Variants in ACOT9 observed in about 807,000 individuals in gnomAD.
ACOT9 encodes acyl-CoA thioesterase 9, also known as acyl-coenzyme A thioesterase 9, mitochondrial.
Under a neutral mutation model 39.7 loss-of-function variants are expected in ACOT9, and 34 were observed. That is an observed-to-expected ratio of 0.86 (90% CI 0.65 to 1.14). The LOEUF is 1.14. Among genes scored for constraint, ACOT9 ranks in the 50% most tolerant of loss-of-function variants. The pLI is 0.00. For missense variants in ACOT9, 313 were observed against 344.1 expected, an observed-to-expected ratio of 0.91 and a Z score of 0.71; for synonymous variants, 110 against 120.5, an observed-to-expected ratio of 0.91 and a Z score of 0.57.
chrX:23,725,206 C>A (rs1379493586), intron 6 of ACOT9, among the ~76,000 whole-genome samples: 1 of 110,677 alleles, frequency 9.0e-6, no homozygotes, highest in Non-Finnish European at 1.9e-5. Flanking sequence ...CGCGGTGGCT[C>A]ACACCTGTAA....
At chrX:23,733,039 A>G in intron 4 of ACOT9, 133 bp downstream of exon 4, 1 of 532,743 alleles carries the variant, frequency 1.9e-6, no homozygotes, top group East Asian at 3.7e-5. Context: ...TTCTCCCCCA[A>G]GCAAAATACT....
rs1287296568 is a variant in ACOT9 at position 23,742,237 on chromosome X, GGA to G, written c.20+886_20+887del. Among the ~76,000 whole-genome samples the G allele has an allele frequency of 2.0e-3, 84 of 42,879 alleles. 2 individuals are homozygous for G. The East Asian group carries it at 0.031, about 16-fold the overall frequency. 37.2% of individuals were successfully genotyped at this position (42,879 alleles called of 115,157 possible). A position where few individuals can be genotyped will look rare whatever the true frequency, so the allele number is the denominator to read the frequency against. On this transcript the variant is annotated intron_variant, in intron 1 of 15. Coordinates refer to ENST00000379303, the MANE Select transcript of ACOT9 (RefSeq NM_001037171.2). The stretch of plus-strand genomic sequence containing the variant: ...GTGAGAGAGAGAGAGAGAGAGAGAG[GGA>G]GAGAGAGAGAGAGAGAGATATCCAG...
intron 6 of ACOT9, 60 bp downstream of exon 6, chrX:23,730,467 T>C (rs1459626569): frequency 1.1e-6 from 1 of 878,775 alleles, no homozygotes; most frequent in Non-Finnish European, 1.7e-6. Context: ...CCCTTTCCAG[T>C]CACAGAATTC....
intron 15 of ACOT9, among the ~76,000 whole-genome samples, 189 bp downstream of exon 15, chrX:23,704,505 G>A (rs930677025): frequency 7.2e-5 from 8 of 110,731 alleles, no homozygotes; most frequent in Admixed American, 2.0e-4. Flanking sequence ...TTGACTACCA[G>A]TGGTTGCTTG....
intron 14 of ACOT9, 45 bp from the exon 15 acceptor site, chrX:23,704,889 G>T (rs1401430214): frequency 8.5e-7 from 1 of 1,177,450 alleles, no homozygotes; most frequent in East Asian, 3.0e-5. Context: ...CATTAGGAAG[G>T]GGAAAAAGGC....
In ACOT9 at chrX:23,721,964, T is replaced by C; in HGVS notation, c.505A>G (p.Ser169Gly). 1 of 1,208,247 alleles carries C rather than the reference T, an allele frequency of 8.3e-7. No individual in the cohort carries two copies. The highest frequency in any genetic ancestry group is 1.1e-6 in the Non-Finnish European group (1 of 893,449). The change falls in exon 8 of 16, where the codon AGC becomes GGC. Residue 169 changes from serine to glycine, a missense_variant. By Grantham distance (56) the Ser-to-Gly change is moderately conservative. Transcript: ENST00000379303. ...CTGAACTTAATGTCCTGTTCTGGGC[T>C]CAAGCTCTTCTTACACATATCTGCA... ...DKIDMCKKSL[S>G]PEQDIKFSGH...
At chrX:23,731,709 G>A (rs1218582299) in intron 4 of ACOT9, among the ~76,000 whole-genome samples, 1 of 109,380 alleles carries the variant, frequency 9.1e-6, no homozygotes, top group Non-Finnish European at 1.9e-5. Flanking sequence ...CGGATTCTTT[G>A]AGCCCCAGTT....
At chrX:23,704,317 C>A (rs1160745184) in intron 15 of ACOT9, among the ~76,000 whole-genome samples, 1 of 104,827 alleles carries the variant, frequency 9.5e-6, no homozygotes, top group Non-Finnish European at 2.0e-5. Flanking sequence ...ACTACAGGTG[C>A]CCGCCACCGT....
chrX:23,716,272 C>A (rs191995337), intron 8 of ACOT9, among the ~76,000 whole-genome samples: 127 of 112,302 alleles, frequency 1.1e-3, no homozygotes, highest in African/African-American at 4.0e-3. Context: ...CACTCACTCC[C>A]AGTTGAATAT....
At chrX:23,704,897 G>T (rs1416581987) in intron 14 of ACOT9, 53 bp from the exon 15 acceptor site, 1 of 1,177,573 alleles carries the variant, frequency 8.5e-7, no homozygotes, top group African/African-American at 1.8e-5. Flanking sequence ...AGGGGAAAAA[G>T]GCAGTCATAA....
intron 11 of ACOT9, 95 bp from the exon 12 acceptor site, chrX:23,705,953 A>T: frequency 1.3e-6 from 1 of 781,865 alleles, no homozygotes; most frequent in Non-Finnish European, 1.9e-6. Context: ...ACACTCAGAC[A>T]ACTGTGGCTC....
intron 9 of ACOT9, among the ~76,000 whole-genome samples, chrX:23,711,325 A>C (rs1569191023): frequency 2.7e-5 from 3 of 111,547 alleles, no homozygotes; most frequent in Non-Finnish European, 5.7e-5. Flanking sequence ...CCATCTCAAA[A>C]ACACACACAC....
Position 23,721,954 on chromosome X carries a change from T to G in ACOT9, c.515A>C (p.Gln172Pro). The G allele has an allele frequency of 8.3e-7, 1 of 1,210,257 alleles. No homozygotes were observed. Residue 172 changes from glutamine to proline, a missense_variant, in exon 8 of 16, where the codon CAG (glutamine) becomes CCG (proline). Transcript: ENST00000379303. ...DMCKKSLSPEQDIKFSGHVSW... is the reference protein window; with the variant it reads ...DMCKKSLSPEPDIKFSGHVSW... Reference sequence around the variant, plus strand: ...AACATGGCCACTGAACTTAATGTCCTGTTCTGGGCTCAAGCTCTTCTTACA... The same window carrying G: ...AACATGGCCACTGAACTTAATGTCCGGTTCTGGGCTCAAGCTCTTCTTACA...
At chrX:23,704,058 G>A (rs766986574) in intron 15 of ACOT9, 76 bp from the exon 16 acceptor site, 1 of 834,778 alleles carries the variant, frequency 1.2e-6, no homozygotes, top group East Asian at 3.3e-5. Context: ...ACAAACACAA[G>A]ACTACTTGGG....
chrX:23,713,561 GA>G (rs374772003), intron 8 of ACOT9, among the ~76,000 whole-genome samples: 1,461 of 75,727 alleles, frequency 0.019, 31 homozygotes, highest in African/African-American at 0.064. Flanking sequence ...AAAAAAAAAA[GA>G]AAAAAAAAAA....
rs1226116287 is a variant in ACOT9 at position 23,733,119 on chromosome X, T to C, written c.191+53A>G. ...GACCATCAACTGAGCCTAAATACAG[T>C]GTAGTATAATACCTTGGGGATGAAA... is the stretch of plus-strand genomic sequence containing the variant. On this transcript the variant is annotated intron_variant, in intron 4 of 15. Coordinates refer to ENST00000379303, the MANE Select transcript of ACOT9 (RefSeq NM_001037171.2). 3.6e-6 allele frequency: 4 copies of C among 1,103,177 alleles called. No individual in the cohort carries two copies. The African/African-American group carries it at 7.3e-5, about 20-fold the overall frequency. The allele number at this position is 1,103,177 out of a possible 1,213,427, so 90.9% of individuals were successfully genotyped here. A position where few individuals can be genotyped will look rare whatever the true frequency, so the allele number is the denominator to read the frequency against.
chrX:23,736,131 G>T, intron 1 of ACOT9, 115 bp from the exon 2 acceptor site: 1 of 453,061 alleles, frequency 2.2e-6, no homozygotes, highest in Non-Finnish European at 3.6e-6. Flanking sequence ...ATATTGTCTT[G>T]TAGGAGTCTG....
intron 6 of ACOT9, among the ~76,000 whole-genome samples, chrX:23,723,467 A>G (rs1444298199): frequency 9.2e-6 from 1 of 109,085 alleles, no homozygotes; most frequent in Non-Finnish European, 1.9e-5. Flanking sequence ...TACAAAAATT[A>G]GCCGGGCGTG....
chrX:23,734,318 C>T (rs1485701659), intron 3 of ACOT9, 23 bp downstream of exon 3: 1 of 1,183,274 alleles, frequency 8.5e-7, no homozygotes, highest in Non-Finnish European at 1.1e-6. Flanking sequence ...AAAAGAAAAG[C>T]TGATACTAAT....
Sources: allele counts gnomAD v4.1 joint callset (sites outside exome capture counted in the v4.1 genomes callset), GRCh38; gene constraint gnomAD v4.1.1; transcripts MANE v1.5; gene names NCBI Gene and HGNC (gene_info 2026-07-23, HGNC 2026-07-21).